The following GLRA3 variants were observed in gnomAD, a reference collection of about 807,000 sequenced individuals.
GLRA3 encodes the protein glycine receptor subunit alpha-3.
GLRA3 carries 44 observed loss-of-function variants against 60.4 expected under a neutral mutation model. The observed-to-expected ratio is 0.73, with a 90% CI of 0.57 to 0.94. GLRA3 has a LOEUF of 0.94. Among genes scored for constraint, GLRA3 ranks in the 40% least tolerant of loss-of-function variants. The probability of loss-of-function intolerance (pLI) is 0.00; values close to 1 mark genes in which losing one functional copy is unlikely to be tolerated. For synonymous variants in GLRA3, 223 were observed against 192.9 expected (o/e 1.16, Z -1.29); for missense variants, 508 against 564.6 (o/e 0.90, Z 1.02).
chr4:174,655,345 A>G (rs1733157461), intron 9 of GLRA3, among the ~76,000 whole-genome samples: 1 of 152,142 alleles, frequency 6.6e-6, no homozygotes, highest in Non-Finnish European at 1.5e-5. Flanking sequence ...AATTTGCCCA[A>G]TGCTTGAAAT....
At chr4:174,778,670 C>T (rs1447509599) in intron 2 of GLRA3, among the ~76,000 whole-genome samples, 1 of 152,238 alleles carries the variant, frequency 6.6e-6, no homozygotes, top group Non-Finnish European at 1.5e-5. Flanking sequence ...TTGGGAAGTG[C>T]AAGGGGTCAG....
intron 5 of GLRA3, among the ~76,000 whole-genome samples, chr4:174,709,587 T>C (rs931118768): frequency 2.0e-5 from 3 of 152,068 alleles, no homozygotes; most frequent in African/African-American, 7.2e-5. Context: ...TATCCCAGAA[T>C]GAAGTTGAAT....
At chr4:174,699,477 C>T (rs1296222397) in intron 5 of GLRA3, among the ~76,000 whole-genome samples, 2 of 152,152 alleles carry the variant, frequency 1.3e-5, no homozygotes, top group Non-Finnish European at 2.9e-5. Context: ...AGCAACTCCA[C>T]AGTATTCTGT....
At chr4:174,726,612 G>A (rs1231565547) in intron 4 of GLRA3, among the ~76,000 whole-genome samples, 1 of 152,124 alleles carries the variant, frequency 6.6e-6, no homozygotes, top group African/African-American at 2.4e-5. Context: ...TTCAAGTCTA[G>A]GATGTACGAA....
At chr4:174,799,146 C>T (rs966166141) in intron 1 of GLRA3, among the ~76,000 whole-genome samples, 18 of 152,030 alleles carry the variant, frequency 1.2e-4, no homozygotes, top group Admixed American at 1.1e-3. Context: ...ATCTTAGGCA[C>T]AGGATTAATA....
intron 1 of GLRA3, among the ~76,000 whole-genome samples, chr4:174,817,848 C>T (rs1740571611): frequency 6.6e-6 from 1 of 152,130 alleles, no homozygotes; most frequent in Non-Finnish European, 1.5e-5. Context: ...CTCTAATGAT[C>T]CACCCACCTC....
At chr4:174,655,470 TC>T (rs1229728955) in intron 9 of GLRA3, among the ~76,000 whole-genome samples, 1 of 152,132 alleles carries the variant, frequency 6.6e-6, no homozygotes, top group Non-Finnish European at 1.5e-5. Context: ...GCCTGTTTTT[TC>T]ATTAGAGTTT....
At chr4:174,657,863 A>G (rs1393259670) in intron 8 of GLRA3, among the ~76,000 whole-genome samples, 1 of 152,176 alleles carries the variant, frequency 6.6e-6, no homozygotes, top group East Asian at 1.9e-4. Flanking sequence ...ATGTATTACT[A>G]AATCTCCCGA....
At chr4:174,658,968 T>A (rs6553802) in intron 8 of GLRA3, 86 bp downstream of exon 8, 1 of 1,162,318 alleles carries the variant, frequency 8.6e-7, no homozygotes, top group Non-Finnish European at 1.2e-6. Flanking sequence ...TCCCAATTGC[T>A]TCTCTTTTCA....
chr4:174,666,763 A>ATATATATAT (rs1733690990), intron 7 of GLRA3, among the ~76,000 whole-genome samples: 1 of 110,802 alleles, frequency 9.0e-6, no homozygotes, highest in African/African-American at 4.6e-5. Context: ...TATATATTAT[A>ATATATATAT]TATATATATA....
chr4:174,645,285 G>A (rs906544852), intron 9 of GLRA3, among the ~76,000 whole-genome samples: 6 of 151,860 alleles, frequency 4.0e-5, no homozygotes, highest in Non-Finnish European at 7.4e-5. Context: ...GGTGGCACAC[G>A]CCTGTAGTCC....
chr4:174,736,316 T>C (rs1310975530), intron 3 of GLRA3, among the ~76,000 whole-genome samples: 1 of 152,104 alleles, frequency 6.6e-6, no homozygotes, highest in African/African-American at 2.4e-5. Context: ...ATTTAAAAAA[T>C]CGTGATCAAA....
intron 3 of GLRA3, among the ~76,000 whole-genome samples, chr4:174,746,746 C>A (rs1579544042): frequency 6.6e-6 from 1 of 152,078 alleles, no homozygotes; most frequent in African/African-American, 2.4e-5. Flanking sequence ...AATGGTAAAC[C>A]CATGTGAAAA....
At chr4:174,811,182 C>T (rs994119188) in intron 1 of GLRA3, among the ~76,000 whole-genome samples, 7 of 145,800 alleles carry the variant, frequency 4.8e-5, no homozygotes, top group African/African-American at 1.8e-4. Flanking sequence ...TACTTCCCCG[C>T]CTGTTTTTTT....
At chr4:174,723,275 A>C (rs1217064439) in intron 4 of GLRA3, among the ~76,000 whole-genome samples, 2 of 152,122 alleles carry the variant, frequency 1.3e-5, no homozygotes, top group African/African-American at 4.8e-5. Context: ...GTCATCTTGA[A>C]ATCTTCTTAA....
chr4:174,794,557 A>T (rs993390571), intron 1 of GLRA3, among the ~76,000 whole-genome samples: 6 of 152,128 alleles, frequency 3.9e-5, no homozygotes, highest in Admixed American at 3.9e-4. Flanking sequence ...AATATTTCAA[A>T]CCCTATTAAC....
At position 174,640,267 on chromosome 4, in the gene GLRA3, A is replaced by G. The variant is rs1358337999; in HGVS notation, c.*3519T>C. On this transcript the variant is annotated 3_prime_UTR_variant, in exon 10 of 10. Transcript: ENST00000274093. ...TTAGAGTGTTCTAAATTTTTAGGGG[A>G]CACCTGTGAAAAACAATGCTGTCAG... is the stretch of plus-strand genomic sequence containing the variant. The G allele has an allele frequency of 1.3e-5, 2 of 151,980 alleles. No homozygotes were observed. The highest frequency in any genetic ancestry group is 2.9e-5 in the Non-Finnish European group (2 of 67,938). 9.4% of individuals were successfully genotyped at this position (151,980 alleles called of 1,614,324 possible).
At chr4:174,797,549 TCAGAAACTTTAATTTCATAAATGTTGG>T (rs1490511565) in intron 1 of GLRA3, among the ~76,000 whole-genome samples, 1 of 152,174 alleles carries the variant, frequency 6.6e-6, no homozygotes, top group Non-Finnish European at 1.5e-5. Flanking sequence ...ACTTGAAAGT[TCAGAAACTTTAATTTCATAAATGTTGG>T]CAGAAACCAA....
At chr4:174,730,301 C>T (rs924873525) in intron 3 of GLRA3, among the ~76,000 whole-genome samples, 13 of 152,134 alleles carry the variant, frequency 8.5e-5, no homozygotes, top group African/African-American at 2.4e-4. Context: ...TTGTTTCCTT[C>T]GCCATTCTCC....
Sources: allele counts gnomAD v4.1 joint callset (sites outside exome capture counted in the v4.1 genomes callset), GRCh38; gene constraint gnomAD v4.1.1; transcripts MANE v1.5; gene names NCBI Gene and HGNC (gene_info 2026-07-23, HGNC 2026-07-21).